ABHD2: variants seen among roughly 807,000 people sequenced by gnomAD.
The protein encoded by ABHD2 is abhydrolase domain containing 2, acylglycerol lipase.
ABHD2 carries 20 observed loss-of-function variants against 48.1 expected under a neutral mutation model. That is an observed-to-expected ratio of 0.42 (90% CI 0.29 to 0.60). ABHD2 has a LOEUF of 0.60. ABHD2 is among the 20% of genes least tolerant of loss of function. The pLI, the probability that ABHD2 is intolerant of heterozygous loss-of-function variation, is 0.24. For missense variants in ABHD2, 405 were observed against 550.9 expected (o/e 0.74, Z 2.65); for synonymous variants, 209 against 214.2 (o/e 0.98, Z 0.21).
the ABHD2 span, among the ~76,000 whole-genome samples, chr15:89,059,604 T>C: frequency 6.6e-6 from 1 of 152,108 alleles, no homozygotes; most frequent in Non-Finnish European, 1.5e-5. Context: ...CTCATAGGGA[T>C]GGGCTTGAGA....
At chr15:89,083,674 T>C (rs573292265), upstream of ABHD2, among the ~76,000 whole-genome samples, 44 of 152,330 alleles carry the variant, frequency 2.9e-4, no homozygotes, top group Admixed American at 7.2e-4. This position sits in a 1 kb window ranked among gnomAD's most constrained non-coding sequence, Gnocchi z 5.1. Flanking sequence ...AGTGTTCATC[T>C]TATGATTTTA....
chr15:89,049,121 CAG>C, the ABHD2 span, among the ~76,000 whole-genome samples: 43 of 152,226 alleles, frequency 2.8e-4, no homozygotes, highest in Admixed American at 1.1e-3. Context: ...CGCTCAGCTG[CAG>C]GTCTGTTGGA....
At chr15:89,108,428 G>T (rs1156891900) in intron 1 of ABHD2, among the ~76,000 whole-genome samples, 1 of 152,174 alleles carries the variant, frequency 6.6e-6, no homozygotes, top group Non-Finnish European at 1.5e-5. Context: ...ACCAGTCATG[G>T]GGTTAGGACT....
chr15:89,158,954 G>A (rs549717128), intron 5 of ABHD2, among the ~76,000 whole-genome samples: 1 of 152,012 alleles, frequency 6.6e-6, no homozygotes, highest in South Asian at 2.1e-4. Flanking sequence ...GTGAGCCACC[G>A]TGCCAGCCAG....
Position 89,100,037 on chromosome 15 carries a change from G to T in ABHD2, c.-107+11474G>T, listed in dbSNP as rs1471655719. ...GTTCACAGATTTAATATTTTGTCTG[G>T]GCAGCCGGTAGAGGAGCTTATGGTC... On this transcript the variant is annotated intron_variant, in intron 1 of 10. Coordinates refer to ENST00000352732, the MANE Select transcript of ABHD2 (RefSeq NM_152924.5). This position sits in a 1 kb window ranked among gnomAD's most constrained non-coding sequence, Gnocchi z 4.4. Among the ~76,000 whole-genome samples, 2 of 152,070 alleles carry T rather than the reference G, an allele frequency of 1.3e-5. No homozygotes were observed.
At chr15:89,066,040 G>C in the ABHD2 span, among the ~76,000 whole-genome samples, 3 of 152,126 alleles carry the variant, frequency 2.0e-5, no homozygotes, top group African/African-American at 7.2e-5. Context: ...TTCAGAGTTT[G>C]GACCAGGTGT....
chr15:89,149,984 G>A (rs1393926867), intron 3 of ABHD2, among the ~76,000 whole-genome samples: 1 of 152,138 alleles, frequency 6.6e-6, no homozygotes, highest in Non-Finnish European at 1.5e-5. Flanking sequence ...AGATTTTGAG[G>A]AGGGGACCTG....
At position 89,092,783 on chromosome 15, in the gene ABHD2, C is replaced by T. The variant is rs1321566142; in HGVS notation, c.-107+4220C>T. 6.6e-6 allele frequency among the ~76,000 whole-genome samples: 1 copy of T among 152,204 alleles called. No individual in the cohort carries two copies. The highest frequency in any genetic ancestry group is 1.5e-5 in the Non-Finnish European group (1 of 68,038). On this transcript the variant is annotated intron_variant, in intron 1 of 10. Coordinates refer to ENST00000352732, the MANE Select transcript of ABHD2 (RefSeq NM_152924.5). This position sits in a 1 kb window ranked among gnomAD's most constrained non-coding sequence, Gnocchi z 4.4. ...ACCTTGCCTTTTTCACTTAATATTT[C>T]TTGGCAGTGTGAAAAGAGCTTCCAC...
the ABHD2 span, among the ~76,000 whole-genome samples, chr15:89,070,470 C>T: frequency 6.6e-6 from 1 of 152,150 alleles, no homozygotes; most frequent in African/African-American, 2.4e-5. Flanking sequence ...ATGGTAGTTC[C>T]TACATTGGGT....
intron 5 of ABHD2, among the ~76,000 whole-genome samples, chr15:89,156,295 G>A (rs2050672961): frequency 6.6e-6 from 1 of 150,794 alleles, no homozygotes; most frequent in Non-Finnish European, 1.5e-5. Context: ...TAATTTTTTT[G>A]TATTTTTAGT....
rs151130124 is a variant in ABHD2 at position 89,162,110 on chromosome 15, C to G, written c.538+6576C>G. ...TTAATTACATCTTTAAAAGCCTTATCTCCAAATATAGTCACATTCTGAGGT... is the reference window on the plus strand; with the variant it reads ...TTAATTACATCTTTAAAAGCCTTATGTCCAAATATAGTCACATTCTGAGGT... On this transcript the variant is annotated intron_variant, in intron 5 of 10. Coordinates refer to ENST00000352732, the MANE Select transcript of ABHD2 (RefSeq NM_152924.5). Among the ~76,000 whole-genome samples, 847 of 152,296 alleles carry G rather than the reference C, an allele frequency of 5.6e-3. 10 individuals are homozygous for G. Among genetic ancestry groups the G allele is most frequent in the Non-Finnish European group, 8.1e-3 (548 of 68,026 alleles).
rs1176059346 is a variant in ABHD2 at position 89,155,426 on chromosome 15, C to T, written c.430C>T (p.Arg144Cys). The change falls in exon 5 of 11, where the codon CGC becomes TGC. Residue 144 changes from arginine to cysteine, a missense_variant. Transcript: ENST00000352732. This position sits in a 1 kb window ranked among gnomAD's most constrained non-coding sequence, Gnocchi z 4.9. ...IANHSEKQYIRTFVDYAQKNG... is the reference protein window; with the variant it reads ...IANHSEKQYICTFVDYAQKNG... ...CAATCACAGCGAGAAGCAATACATCCGCACTTTCGTTGACTACGCCCAGAA... is the reference window on the plus strand; with the variant it reads ...CAATCACAGCGAGAAGCAATACATCTGCACTTTCGTTGACTACGCCCAGAA... The T allele has an allele frequency of 1.2e-6, 2 of 1,614,152 alleles. No individual in the cohort carries two copies. Among genetic ancestry groups the T allele is most frequent in the Admixed American group, 3.3e-5 (2 of 60,020 alleles).
intron 5 of ABHD2, among the ~76,000 whole-genome samples, chr15:89,165,475 A>T (rs908151118): frequency 6.6e-6 from 1 of 152,166 alleles, no homozygotes; most frequent in Admixed American, 6.5e-5. Flanking sequence ...TTATTGTGCC[A>T]AGCGAGGTGG....
chr15:89,116,367 T>A lies in ABHD2; in HGVS notation c.40T>A (p.Phe14Ile), dbSNP rs1273133071. Residue 14 changes from phenylalanine (F) to isoleucine (I), a missense_variant, in exon 3 of 11, where the codon TTT (phenylalanine) becomes ATT (isoleucine). By Grantham distance (21) the Phe-to-Ile change is conservative. Transcript: ENST00000352732. The surrounding 1 kb of genome is among the most constrained non-coding windows in gnomAD (Gnocchi z 4.6). ...MLETPELPAVFDGVKLAAVAA... is the reference protein window; with the variant it reads ...MLETPELPAVIDGVKLAAVAA... ...GGAGACTCCCGAACTCCCAGCCGTG[T>A]TTGATGGAGTGAAGCTGGCTGCAGT... is the stretch of plus-strand genomic sequence containing the variant. The A allele has an allele frequency of 1.9e-6, 3 of 1,614,046 alleles. No homozygotes were observed. In the African/African-American group the frequency reaches 4.0e-5, roughly 22 times the overall value.
In ABHD2 at chr15:89,202,034, G is replaced by C; in HGVS notation, c.*6611G>C. 2.5e-6 allele frequency: 1 copy of C among 392,516 alleles called. No homozygotes were observed. The highest frequency in any genetic ancestry group is 4.6e-6 in the Non-Finnish European group (1 of 216,572). 24.3% of individuals were successfully genotyped at this position (392,516 alleles called of 1,614,324 possible). A position where few individuals can be genotyped will look rare whatever the true frequency, so the allele number is the denominator to read the frequency against. On this transcript the variant is annotated 3_prime_UTR_variant, in exon 11 of 11. Coordinates refer to ENST00000352732, the MANE Select transcript of ABHD2 (RefSeq NM_152924.5). Reference sequence around the variant, plus strand: ...TGGGTTTTCTGAAACTTAAAATGCTGCCCCGAAAATACTATATTTTTGAGT... The same window carrying C: ...TGGGTTTTCTGAAACTTAAAATGCTCCCCCGAAAATACTATATTTTTGAGT...
intron 3 of ABHD2, among the ~76,000 whole-genome samples, chr15:89,127,436 C>T (rs1168372533): frequency 6.6e-6 from 1 of 150,580 alleles, no homozygotes; most frequent in East Asian, 1.9e-4. Flanking sequence ...ATATGTTTTT[C>T]TACCCTTCCA....
Position 89,167,896 on chromosome 15 carries a change from C to T in ABHD2, c.539-7916C>T, listed in dbSNP as rs2050861167. Among the ~76,000 whole-genome samples, 1 of 152,210 alleles carries T rather than the reference C, an allele frequency of 6.6e-6. No homozygotes were observed. The highest frequency in any genetic ancestry group is 6.5e-5 in the Admixed American group (1 of 15,282). On this transcript the variant is annotated intron_variant, in intron 5 of 10. Transcript: ENST00000352732. The surrounding 1 kb of genome is among the most constrained non-coding windows in gnomAD (Gnocchi z 5.5). ...ACTTAGTGGGAAAGATATTCAAGTA[C>T]CTCTTTCATGTCCCCTGCTTACTCA...
At position 89,176,671 on chromosome 15, in the gene ABHD2, C is replaced by A. The variant is rs2051019225; in HGVS notation, c.722+676C>A. ...AAGAGTCACCACACTCACACGTTCA[C>A]ACACACATGCACACACTCACACTAT... On this transcript the variant is annotated intron_variant, in intron 6 of 10. Coordinates refer to ENST00000352732, the MANE Select transcript of ABHD2 (RefSeq NM_152924.5). The surrounding 1 kb of genome is among the most constrained non-coding windows in gnomAD (Gnocchi z 4.5). Among the ~76,000 whole-genome samples, 2 of 152,122 alleles carry A rather than the reference C, an allele frequency of 1.3e-5. No individual in the cohort carries two copies. The highest frequency in any genetic ancestry group is 4.8e-5 in the African/African-American group (2 of 41,426).
At chr15:89,084,260 G>A (rs1300862261), upstream of ABHD2, among the ~76,000 whole-genome samples, 2 of 150,300 alleles carry the variant, frequency 1.3e-5, no homozygotes, top group Admixed American at 6.6e-5. The surrounding 1 kb of genome is among the most constrained non-coding windows in gnomAD (Gnocchi z 4.4). Context: ...GTGTATATAG[G>A]AACTGTCTGT....
Sources: gnomAD v4.1 joint callset for allele counts (sites outside exome capture counted in the v4.1 genomes callset) on GRCh38, gnomAD v4.1.1 for gene constraint, Gnocchi (gnomAD v3.1) non-coding constraint, MANE v1.5 for transcripts, NCBI Gene and HGNC (gene_info 2026-07-23, HGNC 2026-07-21) for gene names.